GAREM1: variants seen among roughly 807,000 people sequenced by gnomAD.
The protein encoded by GAREM1 is GRB2-associated and regulator of MAPK protein 1.
A neutral mutation model predicts 71.3 loss-of-function variants in GAREM1; 26 were observed. The ratio of observed to expected loss-of-function variants is 0.36; its 90% CI spans 0.27 to 0.51. The LOEUF is 0.51. Among genes scored for constraint, GAREM1 ranks in the 20% least tolerant of loss-of-function variants. The pLI, the probability that GAREM1 is intolerant of heterozygous loss-of-function variation, is 0.95. For missense variants in GAREM1, 1,026 were observed against 1,103.1 expected, an observed-to-expected ratio of 0.93 and a Z score of 0.99; for synonymous variants, 440 against 433.2, an observed-to-expected ratio of 1.02 and a Z score of -0.20.
At chr18:32,385,247 C>A (rs2048134917) in intron 2 of GAREM1, among the ~76,000 whole-genome samples, 1 of 151,818 alleles carries the variant, frequency 6.6e-6, no homozygotes. Flanking sequence ...CACTGGTTTC[C>A]CTTTAGTACA....
In GAREM1 at chr18:32,465,977, T is replaced by C. The variant is rs145802908; in HGVS notation, c.121+4331A>G. 3.8e-3 allele frequency among the ~76,000 whole-genome samples: 573 copies of C among 152,246 alleles called. 4 individuals are homozygous for C. The Middle Eastern group carries it at 0.041, about 11-fold the overall frequency. On this transcript the variant is annotated intron_variant, in intron 1 of 5. Transcript: ENST00000269209. ...TGCATTGCCTGAGGGTGAAAAGACCTTGGGTAGAGAAACAAACAAAGGAAC... is the reference window on the plus strand; with the variant it reads ...TGCATTGCCTGAGGGTGAAAAGACCCTGGGTAGAGAAACAAACAAAGGAAC...
At chr18:32,401,738 C>T (rs1295873942) in intron 1 of GAREM1, among the ~76,000 whole-genome samples, 4 of 152,040 alleles carry the variant, frequency 2.6e-5, no homozygotes, top group Admixed American at 6.6e-5. Context: ...CACTGCCATT[C>T]GGGGGAAAAA....
chr18:32,393,080 G>T (rs772849307), intron 1 of GAREM1, 45 bp from the exon 2 acceptor site: 7 of 1,573,666 alleles, frequency 4.4e-6, no homozygotes, highest in Non-Finnish European at 6.1e-6. Flanking sequence ...TTCATAATCT[G>T]CTTTCTCCAT....
intron 1 of GAREM1, among the ~76,000 whole-genome samples, chr18:32,448,851 T>C (rs2048807477): frequency 6.6e-6 from 1 of 152,152 alleles, no homozygotes; most frequent in African/African-American, 2.4e-5. Flanking sequence ...CCTTCTTCAG[T>C]GAGTAATCCC....
At chr18:32,364,026 A>ATATATATATTT (rs1336753011) in intron 2 of GAREM1, among the ~76,000 whole-genome samples, 3 of 46,418 alleles carry the variant, frequency 6.5e-5, no homozygotes, top group African/African-American at 4.9e-4. Context: ...ATATATATAT[A>ATATATATATTT]TGTTTTTTTT....
intron 2 of GAREM1, among the ~76,000 whole-genome samples, chr18:32,362,512 T>C (rs1390222224): frequency 6.6e-6 from 1 of 152,104 alleles, no homozygotes. Context: ...TATATATCAG[T>C]TTTAAAGGCA....
chr18:32,430,952 G>A (rs137882847), intron 1 of GAREM1, among the ~76,000 whole-genome samples: 199 of 152,314 alleles, frequency 1.3e-3, no homozygotes, highest in Admixed American at 3.0e-3. Flanking sequence ...GCTAGAAAAT[G>A]TCAGGGATAT....
chr18:32,447,867 A>G (rs2048799269), intron 1 of GAREM1, among the ~76,000 whole-genome samples: 1 of 152,194 alleles, frequency 6.6e-6, no homozygotes, highest in Non-Finnish European at 1.5e-5. Flanking sequence ...AAACTACATA[A>G]TTTAGAAGTT....
chr18:32,303,753 T>C (rs2047221845), intron 3 of GAREM1, among the ~76,000 whole-genome samples: 1 of 151,196 alleles, frequency 6.6e-6, no homozygotes, highest in Admixed American at 6.6e-5. Flanking sequence ...TGCTCATCTC[T>C]ACAGAAAAAA....
chr18:32,456,315 AGTG>A (rs1321869902), intron 1 of GAREM1, among the ~76,000 whole-genome samples: 1 of 152,142 alleles, frequency 6.6e-6, no homozygotes, highest in Non-Finnish European at 1.5e-5. Context: ...AGCAAGTCCG[AGTG>A]GTGAACATAT....
At chr18:32,269,583 T>C (rs909657630) in intron 5 of GAREM1, among the ~76,000 whole-genome samples, 1 of 152,212 alleles carries the variant, frequency 6.6e-6, no homozygotes, top group Non-Finnish European at 1.5e-5. Flanking sequence ...AGATATGGGA[T>C]GGACCTATTT....
chr18:32,449,053 C>A lies in GAREM1; in HGVS notation c.121+21255G>T, dbSNP rs1275445694. Among the ~76,000 whole-genome samples the A allele has an allele frequency of 2.6e-5, 4 of 152,304 alleles. No individual in the cohort carries two copies. In the East Asian group the frequency reaches 7.7e-4, roughly 29 times the overall value. On this transcript the variant is annotated intron_variant, in intron 1 of 5. Transcript: ENST00000269209. ...TTGTTGGTCTGAGAATTAGGAAAGG[C>A]AGGCCAGAGTTTAAAGCACAAGATC... is the stretch of plus-strand genomic sequence containing the variant.
In GAREM1 at chr18:32,399,325, A is replaced by C. The variant is rs554669249; in HGVS notation, c.122-6290T>G. 2.6e-5 allele frequency among the ~76,000 whole-genome samples: 4 copies of C among 152,320 alleles called. No individual in the cohort carries two copies. The South Asian group carries it at 8.3e-4, about 32-fold the overall frequency. On this transcript the variant is annotated intron_variant, in intron 1 of 5. Coordinates refer to ENST00000269209, the MANE Select transcript of GAREM1 (RefSeq NM_001242409.2). ...CAGTGTTGGAAGTTCTGGCCAGGGC[A>C]ATCAGGCAGGAGAAAGAAATAAAGG... is the stretch of plus-strand genomic sequence containing the variant.
chr18:32,362,553 A>G (rs2047875935), intron 2 of GAREM1, among the ~76,000 whole-genome samples: 1 of 152,222 alleles, frequency 6.6e-6, no homozygotes, highest in African/African-American at 2.4e-5. Context: ...AGTTCCTGGG[A>G]ACCATGAAAA....
At chr18:32,282,295 G>A (rs1051462098) in intron 4 of GAREM1, among the ~76,000 whole-genome samples, 8 of 152,032 alleles carry the variant, frequency 5.3e-5, no homozygotes, top group East Asian at 1.9e-4. Flanking sequence ...GCGTGGTGGC[G>A]TGAGCCTGTA....
chr18:32,386,782 G>A lies in GAREM1; in HGVS notation c.262+6113C>T, dbSNP rs1599009968. 5.9e-5 allele frequency among the ~76,000 whole-genome samples: 9 copies of A among 152,250 alleles called. No homozygotes were observed. The South Asian group carries it at 1.7e-3, about 28-fold the overall frequency. On this transcript the variant is annotated intron_variant, in intron 2 of 5. Coordinates refer to ENST00000269209, the MANE Select transcript of GAREM1 (RefSeq NM_001242409.2). The stretch of plus-strand genomic sequence containing the variant: ...GGTTTCTCAAAGCTGTCTCTTGCTA[G>A]AGTTTTCTTTGTTGTTTTTCATGAC...
chr18:32,346,906 C>T (rs1468548672), intron 2 of GAREM1, among the ~76,000 whole-genome samples: 1 of 152,016 alleles, frequency 6.6e-6, no homozygotes, highest in East Asian at 1.9e-4. Flanking sequence ...AGGCCGGTCA[C>T]CAGGGCTGAA....
intron 3 of GAREM1, among the ~76,000 whole-genome samples, chr18:32,291,185 T>C (rs2047080176): frequency 6.6e-6 from 1 of 151,734 alleles, no homozygotes; most frequent in Non-Finnish European, 1.5e-5. Context: ...GGAATGCATA[T>C]GAAATGACTT....
intron 1 of GAREM1, among the ~76,000 whole-genome samples, chr18:32,445,588 T>C (rs1270860969): frequency 6.6e-6 from 1 of 152,180 alleles, no homozygotes; most frequent in African/African-American, 2.4e-5. Context: ...CATGAATTAA[T>C]GAATATAAAC....
Sources: allele counts gnomAD v4.1 joint callset (sites outside exome capture counted in the v4.1 genomes callset), GRCh38; gene constraint gnomAD v4.1.1; transcripts MANE v1.5; gene names NCBI Gene and HGNC (gene_info 2026-07-23, HGNC 2026-07-21).